The following LCT variants were observed in gnomAD, a reference collection of about 807,000 sequenced individuals.
LCT encodes lactase/phlorizin hydrolase.
A neutral mutation model predicts 173.0 loss-of-function variants in LCT; 90 were observed. The observed-to-expected ratio is 0.52, with a 90% confidence interval of 0.44 to 0.62. The LOEUF (loss-of-function observed/expected upper bound fraction) is 0.62. Ranked by LOEUF, LCT falls within the 20% of genes least tolerant of loss-of-function variation. LCT has a pLI of 0.00. For missense variants in LCT, 1,864 were observed against 2,431.4 expected, an observed-to-expected ratio of 0.77 and a Z score of 4.91; for synonymous variants, 853 against 957.6, an observed-to-expected ratio of 0.89 and a Z score of 2.02.
chr2:135,833,966 C>T (rs985777843), intron 1 of LCT, among the ~76,000 whole-genome samples: 1 of 151,892 alleles, frequency 6.6e-6, no homozygotes, highest in Non-Finnish European at 1.5e-5. Flanking sequence ...AATCATACAG[C>T]GTTTGTCTTT....
intron 2 of LCT, 151 bp from the exon 3 acceptor site, chr2:135,829,827 GAA>G (rs1210935907): frequency 2.2e-5 from 14 of 640,698 alleles, no homozygotes; most frequent in East Asian, 2.9e-5. Context: ...GATGGAATGA[GAA>G]AGTGTGTGTG....
chr2:135,807,222 G>A lies in LCT; in HGVS notation c.4079C>T (p.Thr1360Ile), dbSNP rs558303229. 6 of 1,614,216 alleles carry A rather than the reference G, an allele frequency of 3.7e-6. No individual in the cohort carries two copies. The South Asian group carries it at 4.4e-5, about 12-fold the overall frequency. ...ASARYYTEVI[T>I]NNGMPLARED... is the part of the protein sequence containing the mutation. ...CCTGGCCAGTGGCATGCCGTTGTTG[G>A]TAATGACCTCTGTGTAGTACCTGGC... Residue 1360 changes from threonine (T) to isoleucine (I), a missense_variant, in exon 9 of 17, where the codon ACC (threonine) becomes ATC (isoleucine). By Grantham distance (89) the Thr-to-Ile change is moderately conservative. Transcript: ENST00000264162.
intron 12 of LCT, 42 bp downstream of exon 12, chr2:135,800,565 G>T (rs1575334331): frequency 6.7e-7 from 1 of 1,487,022 alleles, no homozygotes; most frequent in Non-Finnish European, 9.4e-7. Context: ...TGGAAGGAAA[G>T]ATGGACAAGA....
Position 135,789,688 on chromosome 2 carries a change from T to C in LCT, c.5446A>G (p.Ser1816Gly). The C allele has an allele frequency of 1.2e-6, 2 of 1,614,160 alleles. No homozygotes were observed. Among genetic ancestry groups the C allele is most frequent in the Non-Finnish European group, 1.7e-6 (2 of 1,179,980 alleles). The change falls in exon 16 of 17, where the codon AGT (serine) becomes GGT (glycine). Residue 1816 changes from serine (S) to glycine (G), a missense_variant. By Grantham distance (56) the Ser-to-Gly change is moderately conservative (BLOSUM62 0). This residue lies in a region of LCT where 514 missense variants were observed against 750.1 expected (regional missense o/e 0.69). Coordinates refer to ENST00000264162, the MANE Select transcript of LCT (RefSeq NM_002299.4). ...GGGATCCTTGGCAGAGAAGGGTCAC[T>C]GTAGTTCACAAAATGCAGACCAAAT... Reference protein sequence around the residue: ...ERFGLHFVNYSDPSLPRIPKA... With the variant: ...ERFGLHFVNYGDPSLPRIPKA...
intron 5 of LCT, among the ~76,000 whole-genome samples, chr2:135,821,277 C>T (rs1394088020): frequency 6.6e-6 from 1 of 152,214 alleles, no homozygotes; most frequent in Non-Finnish European, 1.5e-5. Context: ...ATTCAAACCT[C>T]TGTCCCTAGA....
intron 2 of LCT, among the ~76,000 whole-genome samples, chr2:135,832,034 T>G (rs921275782): frequency 3.3e-5 from 5 of 151,902 alleles, no homozygotes; most frequent in Non-Finnish European, 7.4e-5. Flanking sequence ...CTGACCAACA[T>G]GGTGAAACCC....
At chr2:135,811,701 T>TAA (rs59187404) in intron 7 of LCT, among the ~76,000 whole-genome samples, 8 of 109,298 alleles carry the variant, frequency 7.3e-5, no homozygotes, top group Admixed American at 1.9e-4. Context: ...ACCCTGATTC[T>TAA]AAAAAAAAAA....
At chr2:135,816,158 A>T (rs1165785069) in intron 6 of LCT, among the ~76,000 whole-genome samples, 2 of 152,250 alleles carry the variant, frequency 1.3e-5, no homozygotes, top group African/African-American at 2.4e-5. Context: ...GCCATTTAAA[A>T]TTTTGTGCCA....
Position 135,800,753 on chromosome 2 carries a change from C to G in LCT, c.4720G>C (p.Ala1574Pro). Reference protein sequence around the residue: ...PYIVGHNLIKAHAEAWHLYND... With the variant: ...PYIVGHNLIKPHAEAWHLYND... ...TACAGATGCCAGGCCTCAGCATGAGCCTTTATTAGATTGTGGCCAACAATG... is the reference window on the plus strand; with the variant it reads ...TACAGATGCCAGGCCTCAGCATGAGGCTTTATTAGATTGTGGCCAACAATG... The change falls in exon 12 of 17, where the codon GCT becomes CCT. Residue 1574 changes from alanine to proline, a missense_variant. By Grantham distance (27) the Ala-to-Pro change is conservative. This residue lies in a region of LCT where 514 missense variants were observed against 750.1 expected (regional missense o/e 0.69). Coordinates refer to ENST00000264162, the MANE Select transcript of LCT (RefSeq NM_002299.4). 2 of 1,614,072 alleles carry G rather than the reference C, an allele frequency of 1.2e-6. No homozygotes were observed. Among genetic ancestry groups the G allele is most frequent in the Admixed American group, 1.7e-5 (1 of 60,002 alleles).
At position 135,817,559 on chromosome 2, in the gene LCT, G is replaced by A; in HGVS notation, c.1489C>T (p.His497Tyr). The A allele has an allele frequency of 1.2e-6, 2 of 1,614,152 alleles. No homozygotes were observed. Among genetic ancestry groups the A allele is most frequent in the South Asian group, 1.1e-5 (1 of 91,086 alleles). The change falls in exon 6 of 17, where the codon CAC (histidine) becomes TAC (tyrosine). Residue 497 changes from histidine (H) to tyrosine (Y), a missense_variant. Physicochemically the swap from His to Tyr is moderately conservative, Grantham distance 83. Around this residue, in one of 4 missense-constraint regions of LCT, gnomAD observed 183 missense variants for 293.1 expected, o/e 0.62. Transcript: ENST00000264162. Reference protein sequence around the residue: ...AGIEPMATLFHWDLPQALQDH... With the variant: ...AGIEPMATLFYWDLPQALQDH... ...TGCAGGGCCTGAGGCAGGTCCCAGT[G>A]GAACAGCGTGGCCATGGGCTCGATG...
chr2:135,836,239 G>C (rs11899099), intron 1 of LCT, among the ~76,000 whole-genome samples: 3,624 of 151,748 alleles, frequency 0.024, 130 homozygotes, highest in African/African-American at 0.082. Context: ...GGCTGGTCTC[G>C]AACTCCTGAC....
In LCT at chr2:135,809,399, A is replaced by C; in HGVS notation, c.2948T>G (p.Ile983Ser). The C allele has an allele frequency of 6.2e-7, 1 of 1,614,202 alleles. No individual in the cohort carries two copies. Among genetic ancestry groups the C allele is most frequent in the Non-Finnish European group, 8.5e-7 (1 of 1,180,042 alleles). ...AGAGCTGTTTCTCCCAGTTGGGAAA[A>C]TCCGAGACCAGGAGATAGAGAAGCG... Reference protein sequence around the residue: ...AYRFSISWSRIFPTGRNSSIN... With the variant: ...AYRFSISWSRSFPTGRNSSIN... Residue 983 changes from isoleucine to serine, a missense_variant, in exon 8 of 17, where the codon ATT becomes AGT. Ile to Ser is a moderately radical substitution (Grantham distance 142). Transcript: ENST00000264162. The surrounding 1 kb of genome is among the most constrained non-coding windows in gnomAD (Gnocchi z 5.5).
At position 135,795,606 on chromosome 2, in the gene LCT, A is replaced by AATAATT. The variant is rs1553651485; in HGVS notation, c.4977-832_4977-831insAATTAT. The stretch of plus-strand genomic sequence containing the variant: ...AGGCATGCCTCTTTTCTCCAACTCT[A>AATAATT]ATAATAATAATAATAATAATAATAA... On this transcript the variant is annotated intron_variant, in intron 13 of 16. Transcript: ENST00000264162. 8.9e-3 allele frequency among the ~76,000 whole-genome samples: 1,318 copies of AATAATT among 147,300 alleles called. 12 individuals carry two copies. The highest frequency in any genetic ancestry group is 0.025 in the Middle Eastern group (7 of 284).
chr2:135,807,246 G>A lies in LCT; in HGVS notation c.4055C>T (p.Ala1352Val), dbSNP rs1246684288. 8.7e-6 allele frequency: 14 copies of A among 1,614,076 alleles called. No individual in the cohort carries two copies. Among genetic ancestry groups the A allele is most frequent in the African/African-American group, 1.3e-5 (1 of 74,930 alleles). ...TNRPRTARASARYYTEVITNN... is the reference protein window; with the variant it reads ...TNRPRTARASVRYYTEVITNN... Reference sequence around the variant, plus strand: ...GGTAATGACCTCTGTGTAGTACCTGGCGGAGGCTCTTGCTGTGCGAGGCCT... The same window carrying A: ...GGTAATGACCTCTGTGTAGTACCTGACGGAGGCTCTTGCTGTGCGAGGCCT... The change falls in exon 9 of 17, where the codon GCC becomes GTC. Residue 1352 changes from alanine to valine, a missense_variant. Ala to Val is a moderately conservative substitution (Grantham distance 64). This residue lies in a region of LCT where 514 missense variants were observed against 750.1 expected (regional missense o/e 0.69). Transcript: ENST00000264162.
chr2:135,812,874 A>T lies in LCT; in HGVS notation c.1790T>A (p.Val597Glu). 1 of 1,614,210 alleles carries T rather than the reference A, an allele frequency of 6.2e-7. No homozygotes were observed. The highest frequency in any genetic ancestry group is 8.5e-7 in the Non-Finnish European group (1 of 1,180,036). The change falls in exon 7 of 17, where the codon GTG becomes GAG. Residue 597 changes from valine (V) to glutamate (E), a missense_variant. This residue lies in a region of LCT where 183 missense variants were observed against 293.1 expected (regional missense o/e 0.62). Coordinates refer to ENST00000264162, the MANE Select transcript of LCT (RefSeq NM_002299.4). ...CCAGTCTGAGTTCAGCACAATGCCC[A>T]CGTGCCCCTGCTGCTGTGGGCGATG... The part of the protein sequence containing the change: ...SHHRPQQQGH[V>E]GIVLNSDWAE...
In LCT at chr2:135,788,563, G is replaced by A. The variant is rs757923572; in HGVS notation, c.5564-19C>T. On this transcript the variant is annotated intron_variant, in intron 16 of 16. Transcript: ENST00000264162. Reference sequence around the variant, plus strand: ...CCAGCATCTAGGAGAGTGTGACACAGGGTGGTTGGTGCTCTGGCGCTGATT... The same window carrying A: ...CCAGCATCTAGGAGAGTGTGACACAAGGTGGTTGGTGCTCTGGCGCTGATT... 10 of 1,506,332 alleles carry A rather than the reference G, an allele frequency of 6.6e-6. No homozygotes were observed. The East Asian group carries it at 2.0e-4, about 30-fold the overall frequency. The allele number at this position is 1,506,332 out of a possible 1,614,324, so 93.3% of individuals were successfully genotyped here.
chr2:135,792,140 T>C (rs966872102), intron 14 of LCT, among the ~76,000 whole-genome samples: 11 of 152,164 alleles, frequency 7.2e-5, no homozygotes, highest in South Asian at 2.1e-4. Context: ...ATCCAGATCA[T>C]AGGAGAAGGA....
chr2:135,824,912 A>G (rs1438115382), intron 3 of LCT, among the ~76,000 whole-genome samples: 3 of 151,194 alleles, frequency 2.0e-5, no homozygotes, highest in Non-Finnish European at 4.4e-5. Context: ...CTGAGACAGG[A>G]GAATCGCTCG....
At chr2:135,825,599 G>C (rs1381727615) in intron 3 of LCT, among the ~76,000 whole-genome samples, 1 of 147,138 alleles carries the variant, frequency 6.8e-6, no homozygotes, top group Non-Finnish European at 1.5e-5. Flanking sequence ...TAAGTGGATG[G>C]GGGACCTCCT....
Sources: allele counts gnomAD v4.1 joint callset (sites outside exome capture counted in the v4.1 genomes callset), GRCh38; gene constraint gnomAD v4.1.1; regional missense constraint gnomAD v4.1.1; non-coding constraint Gnocchi (gnomAD v3.1); transcripts MANE v1.5; gene names NCBI Gene and HGNC (gene_info 2026-07-23, HGNC 2026-07-21).